The following SLC35D1 variants were observed in gnomAD, a reference collection of about 807,000 sequenced individuals.
The protein encoded by SLC35D1 is solute carrier family 35 member D1.
In SLC35D1, 31 loss-of-function variants were observed where a neutral mutation model predicts 46.7. That is an observed-to-expected ratio of 0.66 (90% CI 0.50 to 0.90). The LOEUF is 0.90. SLC35D1 is among the 40% of genes least tolerant of loss of function. The pLI, the probability that SLC35D1 is intolerant of heterozygous loss-of-function variation, is 0.00. For synonymous variants in SLC35D1, 195 were observed against 164.6 expected (o/e 1.18, Z -1.41); for missense variants, 397 against 426.2 (o/e 0.93, Z 0.60).
At chr1:67,008,644 C>T (rs1427782254) in intron 11 of SLC35D1, among the ~76,000 whole-genome samples, 1 of 152,148 alleles carries the variant, frequency 6.6e-6, no homozygotes, top group Non-Finnish European at 1.5e-5. Flanking sequence ...AACCTACAGT[C>T]ATGGACATAT....
At position 66,999,786 on chromosome 1, in the gene SLC35D1, G is replaced by A. The variant is rs1441872944; in HGVS notation, c.*4554C>T. ...GAAGACTGGCTTAGAAAACAGTAAT[G>A]GTGCCAGGGACTCACAATATATGAC... is the stretch of plus-strand genomic sequence containing the variant. On this transcript the variant is annotated 3_prime_UTR_variant, in exon 12 of 12. Transcript: ENST00000235345. The A allele has an allele frequency of 2.6e-5, 4 of 152,052 alleles. No individual in the cohort carries two copies. The highest frequency in any genetic ancestry group is 3.8e-4 in the East Asian group (2 of 5,248). The allele number at this position is 152,052 out of a possible 1,614,324, so 9.4% of individuals were successfully genotyped here. A position where few individuals can be genotyped will look rare whatever the true frequency, so the allele number is the denominator to read the frequency against.
the SLC35D1 span, chr1:66,985,685 TGTTA>T: frequency 1.0e-6 from 1 of 985,186 alleles, no homozygotes; most frequent in Non-Finnish European, 1.2e-6. Flanking sequence ...TGAGAGGAAT[TGTTA>T]TTCTGAGTCT....
chr1:67,050,309 G>C (rs1645295399), intron 5 of SLC35D1, 124 bp downstream of exon 5: 1 of 711,828 alleles, frequency 1.4e-6, no homozygotes, highest in Non-Finnish European at 2.4e-6. Flanking sequence ...GCAGCCAAGA[G>C]AGAGGGTTGC....
chr1:67,020,825 A>G (rs1667782476), intron 9 of SLC35D1, among the ~76,000 whole-genome samples: 1 of 152,194 alleles, frequency 6.6e-6, no homozygotes, highest in Non-Finnish European at 1.5e-5. Flanking sequence ...TCTGGGCCAG[A>G]CGAAGACAAG....
chr1:67,016,481 CTG>C (rs1029593104), intron 10 of SLC35D1, among the ~76,000 whole-genome samples: 145 of 152,152 alleles, frequency 9.5e-4, no homozygotes, highest in African/African-American at 3.4e-3. Flanking sequence ...AGTTAAAAAA[CTG>C]ATGTATTCAT....
At chr1:66,988,904 A>C in the SLC35D1 span, among the ~76,000 whole-genome samples, 2 of 152,232 alleles carry the variant, frequency 1.3e-5, no homozygotes, top group Admixed American at 6.5e-5. Context: ...CAAAGTGTTA[A>C]TGGTAGAAAA....
chr1:66,984,368 T>G, the SLC35D1 span, among the ~76,000 whole-genome samples: 1 of 152,334 alleles, frequency 6.6e-6, no homozygotes, highest in Admixed American at 6.5e-5. Flanking sequence ...ATGATCTTCA[T>G]TGTATATATG....
chr1:66,975,633 TC>T, the SLC35D1 span, among the ~76,000 whole-genome samples: 1 of 152,148 alleles, frequency 6.6e-6, no homozygotes, highest in Admixed American at 6.5e-5. Flanking sequence ...CCACCAGTTC[TC>T]CCGGCTAAGT....
chr1:67,053,417 C>T (rs1236283665), intron 1 of SLC35D1, among the ~76,000 whole-genome samples: 1 of 152,212 alleles, frequency 6.6e-6, no homozygotes, highest in Non-Finnish European at 1.5e-5. Context: ...ACTGAAGCCC[C>T]GGCCCCCTGT....
In SLC35D1 at chr1:67,003,413, A is replaced by G. The variant is rs940922492; in HGVS notation, c.*927T>C. On this transcript the variant is annotated 3_prime_UTR_variant, in exon 12 of 12. Transcript: ENST00000235345. ...GGATTCACACTATTGCCGGGTAGGT[A>G]GGGCAGGTGTTCTTAATCCAATTTA... is the stretch of plus-strand genomic sequence containing the variant. 6.6e-6 allele frequency: 1 copy of G among 152,292 alleles called. No homozygotes were observed. The highest frequency in any genetic ancestry group is 1.5e-5 in the Non-Finnish European group (1 of 68,042). 9.4% of individuals were successfully genotyped at this position (152,292 alleles called of 1,614,324 possible).
chr1:67,029,350 A>G (rs1667974314), intron 8 of SLC35D1, among the ~76,000 whole-genome samples: 1 of 152,228 alleles, frequency 6.6e-6, no homozygotes. Context: ...GGTGTTTAAT[A>G]ACTGTTTACT....
At chr1:66,985,143 T>G in the SLC35D1 span, 4 of 1,078,854 alleles carry the variant, frequency 3.7e-6, no homozygotes, top group Non-Finnish European at 3.4e-6. Flanking sequence ...GATATATCTC[T>G]ACCTTCTCAT....
intron 10 of SLC35D1, among the ~76,000 whole-genome samples, chr1:67,015,815 T>C (rs1482037069): frequency 6.6e-6 from 1 of 152,212 alleles, no homozygotes; most frequent in Non-Finnish European, 1.5e-5. Context: ...GTATGACTCA[T>C]GGTATCTTTA....
chr1:66,990,300 C>T, the SLC35D1 span, among the ~76,000 whole-genome samples: 3 of 152,216 alleles, frequency 2.0e-5, no homozygotes, highest in South Asian at 2.1e-4. Flanking sequence ...CCGGAGACAA[C>T]GTCTTGCTCT....
the SLC35D1 span, among the ~76,000 whole-genome samples, chr1:66,992,689 G>A: frequency 6.6e-6 from 1 of 152,162 alleles, no homozygotes. Flanking sequence ...AGAAAAGTAG[G>A]ATACTATTAG....
the SLC35D1 span, chr1:66,985,091 T>C: frequency 3.1e-6 from 4 of 1,278,122 alleles, no homozygotes; most frequent in African/African-American, 4.6e-5. Flanking sequence ...GTCAGACTCT[T>C]TTAAGGGTAT....
chr1:66,986,356 A>G, the SLC35D1 span: 1 of 1,592,074 alleles, frequency 6.3e-7, no homozygotes, highest in Non-Finnish European at 8.5e-7. Context: ...ACCAACCTAT[A>G]TCCAAACTTT....
chr1:66,998,654 C>T (rs574661446), downstream of SLC35D1, among the ~76,000 whole-genome samples: 1 of 152,244 alleles, frequency 6.6e-6, no homozygotes, highest in South Asian at 2.1e-4. Context: ...ATTATTCAGA[C>T]TTAAGAAGGA....
At chr1:67,041,343 G>A (rs925176895) in intron 8 of SLC35D1, among the ~76,000 whole-genome samples, 1 of 152,100 alleles carries the variant, frequency 6.6e-6, no homozygotes, top group Non-Finnish European at 1.5e-5. Flanking sequence ...GGTATGATGG[G>A]GGGTGGGAAA....
Sources: allele counts gnomAD v4.1 joint callset (sites outside exome capture counted in the v4.1 genomes callset), GRCh38; gene constraint gnomAD v4.1.1; transcripts MANE v1.5; gene names NCBI Gene and HGNC (gene_info 2026-07-23, HGNC 2026-07-21).